Variants in NSF observed in about 807,000 individuals in gnomAD.
The protein encoded by NSF is N-ethylmaleimide sensitive factor, vesicle fusing ATPase.
NSF carries 14 observed loss-of-function variants against 50.3 expected under a neutral mutation model. The observed-to-expected ratio is 0.28, with a 90% CI of 0.18 to 0.44. NSF has a LOEUF of 0.44. NSF is among the 20% of genes least tolerant of loss of function. The pLI is 1.00. For synonymous variants in NSF, 109 were observed against 175.7 expected, an observed-to-expected ratio of 0.62 and a Z score of 3.00; for missense variants, 218 against 504.3, an observed-to-expected ratio of 0.43 and a Z score of 5.44.
In NSF at chr17:46,756,419, T is replaced by G. The variant is rs2146351465; in HGVS notation, c.*596T>G. On this transcript the variant is annotated 3_prime_UTR_variant, in exon 21 of 21. Coordinates refer to ENST00000398238, the MANE Select transcript of NSF (RefSeq NM_006178.4). ...AATCATTGTCAGAGATGTTTTCAAG[T>G]TGCAGTCAGAAGATCTTTCTTAATA... 6.6e-6 allele frequency: 1 copy of G among 152,392 alleles called. No homozygotes were observed. The highest frequency in any genetic ancestry group is 1.5e-5 in the Non-Finnish European group (1 of 68,060). 9.4% of individuals were successfully genotyped at this position (152,392 alleles called of 1,614,324 possible). A position where few individuals can be genotyped will look rare whatever the true frequency, so the allele number is the denominator to read the frequency against.
intron 1 of NSF, among the ~76,000 whole-genome samples, chr17:46,622,203 A>G (rs2058072494): frequency 6.9e-6 from 1 of 144,564 alleles, no homozygotes; most frequent in Non-Finnish European, 1.5e-5. Context: ...CACACCTGTA[A>G]TCTCAGCACT....
intron 17 of NSF, among the ~76,000 whole-genome samples, chr17:46,741,835 C>T (rs746617304): frequency 4.6e-5 from 7 of 152,158 alleles, no homozygotes; most frequent in Admixed American, 6.5e-5. Flanking sequence ...GGCGCCATCT[C>T]GGCTCACTGC....
chr17:46,726,692 A>G (rs1461426389), intron 16 of NSF, 77 bp downstream of exon 16: 1 of 1,251,166 alleles, frequency 8.0e-7, no homozygotes, highest in Non-Finnish European at 1.2e-6. Flanking sequence ...GAGAAAATTA[A>G]CAAGTATTTA....
chr17:46,728,840 A>T lies in NSF; in HGVS notation c.1829-15A>T. ...GTGTATCAAATCCCTAAACATAATAATGTTTCTTTTCCAGATTACGTCCCT... is the reference window on the plus strand; with the variant it reads ...GTGTATCAAATCCCTAAACATAATATTGTTTCTTTTCCAGATTACGTCCCT... On this transcript the variant is annotated splice_polypyrimidine_tract_variant and intron_variant, in intron 16 of 20. Transcript: ENST00000398238. 1 of 1,569,550 alleles carries T rather than the reference A, an allele frequency of 6.4e-7. No homozygotes were observed. Among genetic ancestry groups the T allele is most frequent in the Non-Finnish European group, 8.7e-7 (1 of 1,149,358 alleles).
At chr17:46,595,431 T>G (rs1437226326) in intron 1 of NSF, among the ~76,000 whole-genome samples, 1 of 84,390 alleles carries the variant, frequency 1.2e-5, no homozygotes, top group Non-Finnish European at 1.9e-5. Context: ...GAGTCCAATG[T>G]ATTAAGTATA....
chr17:46,751,407 A>G (rs1303042198), intron 18 of NSF, 96 bp from the exon 19 acceptor site: 43 of 836,244 alleles, frequency 5.1e-5, no homozygotes, highest in East Asian at 2.6e-5. Flanking sequence ...ACAGTTAGGT[A>G]GTTCTTATCA....
At chr17:46,754,411 G>A (rs942216709) in intron 19 of NSF, among the ~76,000 whole-genome samples, 1 of 152,130 alleles carries the variant, frequency 6.6e-6, no homozygotes, top group Non-Finnish European at 1.5e-5. Flanking sequence ...GCTGCACTGA[G>A]CATTTGAAAG....
chr17:46,715,324 G>C (rs2058757799), intron 15 of NSF, among the ~76,000 whole-genome samples: 1 of 152,166 alleles, frequency 6.6e-6, no homozygotes, highest in African/African-American at 2.4e-5. Flanking sequence ...CCCTAGAGTA[G>C]GTAGGGCTGT....
chr17:46,679,876 A>T (rs936181253), intron 9 of NSF, among the ~76,000 whole-genome samples: 4 of 150,906 alleles, frequency 2.7e-5, no homozygotes, highest in African/African-American at 9.8e-5. Flanking sequence ...TGATGATAAT[A>T]AAAAGGTAAT....
At chr17:46,747,742 A>G (rs944974086) in intron 17 of NSF, among the ~76,000 whole-genome samples, 3 of 152,178 alleles carry the variant, frequency 2.0e-5, no homozygotes, top group Non-Finnish European at 2.9e-5. Flanking sequence ...AAGAAATAAA[A>G]ACTAAGAGTA....
At chr17:46,691,755 A>C (rs1325049332) in intron 9 of NSF, among the ~76,000 whole-genome samples, 1 of 151,416 alleles carries the variant, frequency 6.6e-6, no homozygotes, top group African/African-American at 2.4e-5. Context: ...GTTAATCCCT[A>C]GTATTTTTTG....
intron 17 of NSF, among the ~76,000 whole-genome samples, chr17:46,740,164 G>A (rs1050957777): frequency 1.3e-5 from 2 of 152,112 alleles, no homozygotes; most frequent in Non-Finnish European, 2.9e-5. Flanking sequence ...GTTCTTGGCT[G>A]TGCTCTGGAT....
intron 15 of NSF, among the ~76,000 whole-genome samples, chr17:46,717,509 G>A (rs560819487): frequency 1.1e-4 from 17 of 152,186 alleles, no homozygotes; most frequent in African/African-American, 4.1e-4. Context: ...TCAGGAGTTC[G>A]AGACCAGCCT....
chr17:46,711,659 G>A (rs1208142373), intron 14 of NSF, among the ~76,000 whole-genome samples: 2 of 152,152 alleles, frequency 1.3e-5, no homozygotes, highest in Non-Finnish European at 2.9e-5. Flanking sequence ...AGACAAAAGG[G>A]GAAGGACATT....
chr17:46,717,188 G>T (rs2058781024), intron 15 of NSF, among the ~76,000 whole-genome samples: 1 of 152,098 alleles, frequency 6.6e-6, no homozygotes, highest in African/African-American at 2.4e-5. Context: ...CTTGTCATTT[G>T]CAACAACATG....
In NSF at chr17:46,721,882, G is replaced by C; in HGVS notation, c.1762-4667G>C. The C allele has an allele frequency of 3.2e-6, 5 of 1,584,466 alleles. No homozygotes were observed. The East Asian group carries it at 1.1e-4, about 35-fold the overall frequency. On this transcript the variant is annotated intron_variant, in intron 15 of 20. Coordinates refer to ENST00000398238, the MANE Select transcript of NSF (RefSeq NM_006178.4). ...GCTTAGGCAGAATTCTCCTCTGAGC[G>C]ATAAAGACGACATGCTTCCCACTGA...
intron 17 of NSF, among the ~76,000 whole-genome samples, chr17:46,749,105 T>C (rs2059158516): frequency 6.6e-6 from 1 of 152,120 alleles, no homozygotes; most frequent in African/African-American, 2.4e-5. Context: ...ACCAGTAATG[T>C]AACATTATTA....
chr17:46,710,082 A>G (rs1408333213), intron 13 of NSF, among the ~76,000 whole-genome samples: 2 of 152,244 alleles, frequency 1.3e-5, no homozygotes, highest in African/African-American at 4.8e-5. Context: ...AAACTATTCC[A>G]TACATCAGGT....
chr17:46,675,536 A>G (rs1258235683), intron 9 of NSF, among the ~76,000 whole-genome samples: 1 of 102,748 alleles, frequency 9.7e-6, no homozygotes, highest in Non-Finnish European at 1.8e-5. Context: ...CTGAAATTGT[A>G]GATTTATCCC....
Sources: gnomAD v4.1 joint callset for allele counts (sites outside exome capture counted in the v4.1 genomes callset) on GRCh38, gnomAD v4.1.1 for gene constraint, MANE v1.5 for transcripts, NCBI Gene and HGNC (gene_info 2026-07-23, HGNC 2026-07-21) for gene names.